Variants in NUP93 observed in about 807,000 individuals in gnomAD.
NUP93 encodes the protein nucleoporin 93, also known as nuclear pore complex protein Nup93.
A neutral mutation model predicts 107.8 loss-of-function variants in NUP93; 55 were observed. That is an observed-to-expected ratio of 0.51 (90% CI 0.41 to 0.64). NUP93 has a LOEUF of 0.64. Among genes scored for constraint, NUP93 ranks in the 30% least tolerant of loss-of-function variants. The pLI is 0.00. For missense variants in NUP93, 937 were observed against 1,044.7 expected, an observed-to-expected ratio of 0.90 and a Z score of 1.42; for synonymous variants, 390 against 397.5, an observed-to-expected ratio of 0.98 and a Z score of 0.22.
intron 3 of NUP93, among the ~76,000 whole-genome samples, chr16:56,797,156 G>A (rs1210659648): frequency 6.7e-6 from 1 of 149,168 alleles, no homozygotes; most frequent in Non-Finnish European, 1.5e-5. Context: ...TGTAATCCCA[G>A]CTACTTGGGA....
chr16:56,796,711 G>C (rs1962906393), intron 3 of NUP93, among the ~76,000 whole-genome samples: 1 of 152,160 alleles, frequency 6.6e-6, no homozygotes, highest in Non-Finnish European at 1.5e-5. Context: ...GGGTACGGTG[G>C]TTCACACCTG....
At chr16:56,754,310 T>C (rs1445791682) in intron 2 of NUP93, among the ~76,000 whole-genome samples, 1 of 152,112 alleles carries the variant, frequency 6.6e-6, no homozygotes, top group African/African-American at 2.4e-5. Context: ...CCAAACCATA[T>C]CATTCCACAC....
At chr16:56,830,992 G>C (rs1427974038) in intron 10 of NUP93, among the ~76,000 whole-genome samples, 1 of 152,264 alleles carries the variant, frequency 6.6e-6, no homozygotes, top group African/African-American at 2.4e-5. Flanking sequence ...GCACATCAAG[G>C]ATGCTTTATA....
intron 3 of NUP93, among the ~76,000 whole-genome samples, chr16:56,787,278 G>A (rs549466295): frequency 9.8e-5 from 15 of 152,324 alleles, no homozygotes; most frequent in African/African-American, 3.6e-4. Context: ...GTGATGATTG[G>A]TGCTCCAATC....
chr16:56,766,356 G>A lies in NUP93; in HGVS notation c.297+7701G>A, dbSNP rs768191540. ...GGTGCCTTTGAACTGGAGTTGAGTC[G>A]TCCCCTCCCTCCTTCACCAGCTATC... is the stretch of plus-strand genomic sequence containing the variant. On this transcript the variant is annotated intron_variant, in intron 3 of 21. Coordinates refer to ENST00000308159, the MANE Select transcript of NUP93 (RefSeq NM_014669.5). Among the ~76,000 whole-genome samples, 6 of 152,110 alleles carry A rather than the reference G, an allele frequency of 3.9e-5. No homozygotes were observed. The East Asian group carries it at 5.8e-4, about 15-fold the overall frequency.
chr16:56,764,944 G>T (rs908337351), intron 3 of NUP93, among the ~76,000 whole-genome samples: 3 of 152,218 alleles, frequency 2.0e-5, no homozygotes, highest in Non-Finnish European at 4.4e-5. Flanking sequence ...CCAAGGAAAA[G>T]CATTATTACC....
rs755224828 is a variant in NUP93 at position 56,821,565 on chromosome 16, G to T, written c.626G>T (p.Cys209Phe). 5.0e-6 allele frequency: 8 copies of T among 1,613,350 alleles called. No individual in the cohort carries two copies. Among genetic ancestry groups the T allele is most frequent in the Non-Finnish European group, 5.9e-6 (7 of 1,179,404 alleles). Reference sequence around the variant, plus strand: ...CTGCAGCCTAACCTGGTGGACCTTTGTGCTTCCGTCGCAGAGCTCGATGAT... The same window carrying T: ...CTGCAGCCTAACCTGGTGGACCTTTTTGCTTCCGTCGCAGAGCTCGATGAT... ...GHLQPNLVDL[C>F]ASVAELDDKS... The change falls in exon 7 of 22, where the codon TGT becomes TTT. Residue 209 changes from cysteine (C) to phenylalanine (F), a missense_variant. Coordinates refer to ENST00000308159, the MANE Select transcript of NUP93 (RefSeq NM_014669.5).
At chr16:56,781,770 T>G (rs914833661) in intron 3 of NUP93, 2 of 965,640 alleles carry the variant, frequency 2.1e-6, no homozygotes, top group Admixed American at 1.2e-4. Context: ...CTCCCCCTCT[T>G]AAATCTTAAC....
Position 56,823,777 on chromosome 16 carries a change from T to C in NUP93, c.725T>C (p.Leu242Pro). Residue 242 changes from leucine to proline, a missense_variant, in exon 8 of 22, where the codon CTG becomes CCG. Leu to Pro is a moderately conservative substitution (Grantham distance 98). Coordinates refer to ENST00000308159, the MANE Select transcript of NUP93 (RefSeq NM_014669.5). ...TTGTTGACACCGGCAACGGATGCCCTGAAGAACCGCAGCAGCGTGGAAGTG... is the reference window on the plus strand; with the variant it reads ...TTGTTGACACCGGCAACGGATGCCCCGAAGAACCGCAGCAGCGTGGAAGTG... ...DVLLTPATDA[L>P]KNRSSVEVRM... 1 of 1,614,182 alleles carries C rather than the reference T, an allele frequency of 6.2e-7. No individual in the cohort carries two copies. Among genetic ancestry groups the C allele is most frequent in the Non-Finnish European group, 8.5e-7 (1 of 1,180,020 alleles).
At position 56,838,810 on chromosome 16, in the gene NUP93, C is replaced by T. The variant is rs3764265; in HGVS notation, c.2019-142C>T. ...TGACTCCTGGCCTCAAGCAATCCTT[C>T]CGCCCCAGCCTCCCATGTAGCTGAG... On this transcript the variant is annotated intron_variant, in intron 18 of 21. Transcript: ENST00000308159. 82,043 of 666,884 alleles carry T rather than the reference C, an allele frequency of 0.12. 5,611 individuals carry two copies. The highest frequency in any genetic ancestry group is 0.19 in the South Asian group (10,117 of 53,860). 41.3% of individuals were successfully genotyped at this position (666,884 alleles called of 1,614,324 possible).
At chr16:56,837,584 C>T in intron 17 of NUP93, 24 bp from the exon 18 acceptor site, 2 of 1,557,114 alleles carry the variant, frequency 1.3e-6, no homozygotes, top group Non-Finnish European at 1.8e-6. Context: ...TTGATTGCTT[C>T]CTTAATTTTA....
At position 56,772,549 on chromosome 16, in the gene NUP93, T is replaced by C. The variant is rs144080914; in HGVS notation, c.297+13894T>C. Among the ~76,000 whole-genome samples the C allele has an allele frequency of 5.7e-3, 873 of 152,356 alleles. 13 individuals carry two copies. Among genetic ancestry groups the C allele is most frequent in the African/African-American group, 0.02 (823 of 41,578 alleles). On this transcript the variant is annotated intron_variant, in intron 3 of 21. Transcript: ENST00000308159. ...TCCTCTGACCATTTCTTACCTGTTT[T>C]CTATGGAATGACATTTCCCCATCAG...
At chr16:56,790,681 C>G (rs559153561) in intron 3 of NUP93, among the ~76,000 whole-genome samples, 1 of 152,316 alleles carries the variant, frequency 6.6e-6, no homozygotes, top group Non-Finnish European at 1.5e-5. Flanking sequence ...GTTCAGGGAG[C>G]ATTTTACTTA....
intron 1 of NUP93, among the ~76,000 whole-genome samples, chr16:56,734,969 G>C (rs1465531280): frequency 1.3e-5 from 2 of 152,148 alleles, no homozygotes; most frequent in African/African-American, 4.8e-5. Flanking sequence ...AAAAACCTGT[G>C]TACCAGTTGG....
chr16:56,823,749 G>A lies in NUP93; in HGVS notation c.697G>A (p.Val233Met), dbSNP rs781678161. ...GACCATGGTAAAACAAATGACAGAC[G>A]TGTTGTTGACACCGGCAACGGATGC... ...MWTMVKQMTD[V>M]LLTPATDALK... The change falls in exon 8 of 22, where the codon GTG becomes ATG. Residue 233 changes from valine to methionine, a missense_variant. Coordinates refer to ENST00000308159, the MANE Select transcript of NUP93 (RefSeq NM_014669.5). 12 of 1,614,052 alleles carry A rather than the reference G, an allele frequency of 7.4e-6. No individual in the cohort carries two copies. Among genetic ancestry groups the A allele is most frequent in the South Asian group, 1.1e-5 (1 of 91,084 alleles).
intron 21 of NUP93, among the ~76,000 whole-genome samples, chr16:56,843,175 G>T (rs1964060574): frequency 6.6e-6 from 1 of 152,224 alleles, no homozygotes; most frequent in African/African-American, 2.4e-5. Context: ...GCCTACCCCG[G>T]ACAGATAGGA....
At chr16:56,808,027 AT>A (rs1483143997) in intron 5 of NUP93, among the ~76,000 whole-genome samples, 84 of 144,942 alleles carry the variant, frequency 5.8e-4, no homozygotes, top group African/African-American at 2.1e-3. Flanking sequence ...GTCTCAAAAA[AT>A]ATATATAAAT....
At chr16:56,795,225 A>G (rs1397131088) in intron 3 of NUP93, among the ~76,000 whole-genome samples, 3 of 152,150 alleles carry the variant, frequency 2.0e-5, no homozygotes, top group Admixed American at 2.0e-4. Flanking sequence ...GTTTGGGAGC[A>G]TTAGTCATTG....
At chr16:56,808,117 T>A in intron 5 of NUP93, among the ~76,000 whole-genome samples, 1 of 120,410 alleles carries the variant, frequency 8.3e-6, no homozygotes, top group Non-Finnish European at 1.7e-5. Context: ...AAATATATAT[T>A]ATATAACTAT....
Sources: gnomAD v4.1 joint callset for allele counts (sites outside exome capture counted in the v4.1 genomes callset) on GRCh38, gnomAD v4.1.1 for gene constraint, MANE v1.5 for transcripts, NCBI Gene and HGNC (gene_info 2026-07-23, HGNC 2026-07-21) for gene names.